Variants in SMAD1 observed in about 807,000 individuals in gnomAD.
SMAD1 encodes SMAD family member 1.
Under a neutral mutation model 41.6 loss-of-function variants are expected in SMAD1, and 6 were observed. The ratio of observed to expected loss-of-function variants is 0.14; its 90% CI spans 0.08 to 0.28. The LOEUF is 0.28. Ranked by LOEUF, SMAD1 falls within the 10% of genes least tolerant of loss-of-function variation. The pLI, the probability that SMAD1 is intolerant of heterozygous loss-of-function variation, is 1.00. For missense variants in SMAD1, 379 were observed against 582.6 expected (o/e 0.65, Z 3.60); for synonymous variants, 206 against 203.2 (o/e 1.01, Z -0.12).
chr4:145,508,993 G>A (rs1729934832), intron 1 of SMAD1, among the ~76,000 whole-genome samples: 1 of 152,160 alleles, frequency 6.6e-6, no homozygotes. Context: ...TTAGGGAGGG[G>A]ATACAAATAT....
chr4:145,505,900 A>G (rs563381172), intron 1 of SMAD1, among the ~76,000 whole-genome samples: 6 of 151,822 alleles, frequency 4.0e-5, no homozygotes, highest in African/African-American at 1.5e-4. Context: ...GCTGGAGTGC[A>G]ATGGCACAAT....
intron 6 of SMAD1, among the ~76,000 whole-genome samples, chr4:145,555,568 C>T (rs1182410934): frequency 6.6e-6 from 1 of 152,092 alleles, no homozygotes; most frequent in Non-Finnish European, 1.5e-5. Flanking sequence ...CTTTAATGTT[C>T]CAATTAGCTT....
intron 2 of SMAD1, among the ~76,000 whole-genome samples, chr4:145,523,813 G>A (rs926170784): frequency 6.6e-6 from 1 of 152,106 alleles, no homozygotes; most frequent in African/African-American, 2.4e-5. Flanking sequence ...GGTGGGGTGG[G>A]TGCCCTCTGG....
chr4:145,528,428 C>CG (rs113622725), intron 2 of SMAD1, among the ~76,000 whole-genome samples: 6,230 of 151,738 alleles, frequency 0.041, 328 homozygotes, highest in African/African-American at 0.11. Flanking sequence ...TTAGTAGAGA[C>CG]GGGGGGTTTC....
At chr4:145,509,864 T>C (rs1028364809) in intron 1 of SMAD1, among the ~76,000 whole-genome samples, 5 of 152,194 alleles carry the variant, frequency 3.3e-5, no homozygotes, top group Non-Finnish European at 7.4e-5. Context: ...GCGGACACCC[T>C]GTGGCCTCCC....
chr4:145,502,108 C>T (rs557990510), intron 1 of SMAD1, among the ~76,000 whole-genome samples: 3 of 152,198 alleles, frequency 2.0e-5, no homozygotes, highest in East Asian at 1.9e-4. Context: ...CATAGACTTT[C>T]TCCTGGGATA....
At chr4:145,552,915 G>T (rs1466579796) in intron 5 of SMAD1, among the ~76,000 whole-genome samples, 1 of 151,710 alleles carries the variant, frequency 6.6e-6, no homozygotes, top group Non-Finnish European at 1.5e-5. Context: ...TGTTGTTGTT[G>T]TTGTTATTTG....
chr4:145,504,484 T>A (rs1729653245), intron 1 of SMAD1, among the ~76,000 whole-genome samples: 2 of 152,226 alleles, frequency 1.3e-5, no homozygotes, highest in South Asian at 4.1e-4. Context: ...CTTTCATGCT[T>A]TTTGTTAGGA....
At chr4:145,517,981 A>G (rs1730520927) in intron 2 of SMAD1, among the ~76,000 whole-genome samples, 1 of 126,884 alleles carries the variant, frequency 7.9e-6, no homozygotes, top group African/African-American at 2.5e-5. Flanking sequence ...ATTTGAACAT[A>G]TCAAGATTTT....
At chr4:145,503,247 C>G (rs1729565129) in intron 1 of SMAD1, among the ~76,000 whole-genome samples, 1 of 151,938 alleles carries the variant, frequency 6.6e-6, no homozygotes, top group Admixed American at 6.6e-5. Context: ...GATGGTAGGA[C>G]TCTCCTGCTG....
intron 1 of SMAD1, among the ~76,000 whole-genome samples, chr4:145,491,021 G>T (rs977635543): frequency 6.6e-6 from 1 of 152,146 alleles, no homozygotes; most frequent in African/African-American, 2.4e-5. Flanking sequence ...GCCACTGGGG[G>T]GAGGGTTATT....
At chr4:145,546,675 G>C in intron 4 of SMAD1, 28 bp from the exon 5 acceptor site, 1 of 1,542,736 alleles carries the variant, frequency 6.5e-7, no homozygotes, top group Admixed American at 1.7e-5. Flanking sequence ...CACTAACCTT[G>C]GTTGATATAA....
intron 1 of SMAD1, among the ~76,000 whole-genome samples, chr4:145,495,603 G>T (rs905750080): frequency 6.9e-6 from 1 of 145,154 alleles, no homozygotes; most frequent in Admixed American, 6.8e-5. Context: ...GGAATGTAAA[G>T]AAAATTAATT....
intron 6 of SMAD1, among the ~76,000 whole-genome samples, chr4:145,557,581 C>G (rs1203728094): frequency 6.6e-6 from 1 of 152,016 alleles, no homozygotes; most frequent in Non-Finnish European, 1.5e-5. Flanking sequence ...ATGGATGGAC[C>G]CTGGGGAGCT....
intron 4 of SMAD1, 25 bp downstream of exon 4, chr4:145,542,723 C>T (rs769606883): frequency 1.4e-6 from 2 of 1,461,566 alleles, no homozygotes; most frequent in Non-Finnish European, 1.9e-6. Flanking sequence ...TGCCTGTTCC[C>T]TTTTTTAGAG....
At chr4:145,485,050 C>T (rs1456074629) in intron 1 of SMAD1, among the ~76,000 whole-genome samples, 1 of 152,232 alleles carries the variant, frequency 6.6e-6, no homozygotes, top group Admixed American at 6.5e-5. Flanking sequence ...CATAGTCACA[C>T]GTAGCTTTTT....
intron 2 of SMAD1, among the ~76,000 whole-genome samples, chr4:145,534,370 A>G (rs965272667): frequency 2.6e-5 from 4 of 152,240 alleles, no homozygotes; most frequent in Non-Finnish European, 4.4e-5. Context: ...TAATTTATGT[A>G]TATAATGTGA....
chr4:145,535,370 C>G (rs1731554931), intron 2 of SMAD1, among the ~76,000 whole-genome samples: 1 of 152,124 alleles, frequency 6.6e-6, no homozygotes, highest in Non-Finnish European at 1.5e-5. Flanking sequence ...GACAGTGCTA[C>G]CATATATATG....
At chr4:145,487,985 G>A (rs1313931568) in intron 1 of SMAD1, among the ~76,000 whole-genome samples, 6 of 152,106 alleles carry the variant, frequency 3.9e-5, no homozygotes, top group African/African-American at 1.2e-4. Flanking sequence ...TATAATTTTT[G>A]TTATAAGCTA....
Sources: gnomAD v4.1 joint callset for allele counts (sites outside exome capture counted in the v4.1 genomes callset) on GRCh38, gnomAD v4.1.1 for gene constraint, MANE v1.5 for transcripts, NCBI Gene and HGNC (gene_info 2026-07-23, HGNC 2026-07-21) for gene names.